The following DNAH14 variants were observed in gnomAD, a reference collection of about 807,000 sequenced individuals.
The protein encoded by DNAH14 is axonemal beta dynein heavy chain 14.
Under a neutral mutation model 520.9 loss-of-function variants are expected in DNAH14, and 478 were observed. That is an observed-to-expected ratio of 0.92 (90% CI 0.85 to 0.99). DNAH14 has a LOEUF of 0.99. Ranked by LOEUF, DNAH14 falls within the 50% of genes least tolerant of loss-of-function variation. The pLI is 0.00. For synonymous variants in DNAH14, 1,581 were observed against 1,757.2 expected (o/e 0.90, Z 2.51); for missense variants, 4,831 against 5,234.5 (o/e 0.92, Z 2.38).
At chr1:225,079,763 T>TC (rs1434682467) in intron 18 of DNAH14, among the ~76,000 whole-genome samples, 1 of 140,940 alleles carries the variant, frequency 7.1e-6, no homozygotes, top group African/African-American at 2.6e-5. Flanking sequence ...AAGCTCCGCC[T>TC]CCCGGGTTCA....
intron 65 of DNAH14, 42 bp from the exon 66 acceptor site, chr1:225,333,249 T>C: frequency 7.2e-7 from 1 of 1,391,852 alleles, no homozygotes; most frequent in Non-Finnish European, 9.7e-7. Context: ...CTCATGATAA[T>C]ATATTTTATA....
chr1:225,283,533 G>A (rs1232410863), intron 54 of DNAH14, among the ~76,000 whole-genome samples: 1 of 151,646 alleles, frequency 6.6e-6, no homozygotes, highest in Non-Finnish European at 1.5e-5. Context: ...CAAATACATG[G>A]AACCAAAACC....
chr1:225,382,197 C>T (rs948210729), intron 81 of DNAH14, among the ~76,000 whole-genome samples: 1 of 152,058 alleles, frequency 6.6e-6, no homozygotes, highest in African/African-American at 2.4e-5. Flanking sequence ...AAATCAAAAC[C>T]ACAATGAGAT....
At chr1:225,098,110 C>T (rs796173358) in intron 22 of DNAH14, among the ~76,000 whole-genome samples, 5 of 151,892 alleles carry the variant, frequency 3.3e-5, no homozygotes, top group African/African-American at 7.2e-5. Context: ...GGTGAGAGGA[C>T]GGCTTGGATC....
At chr1:224,967,368 TATTA>T in intron 5 of DNAH14, 59 bp from the exon 6 acceptor site, 1 of 1,223,388 alleles carries the variant, frequency 8.2e-7, no homozygotes, top group Non-Finnish European at 1.1e-6. Flanking sequence ...TCACCCATTG[TATTA>T]ATTTAGTTAA....
chr1:225,138,982 T>G (rs1306227470), intron 27 of DNAH14, among the ~76,000 whole-genome samples: 1 of 152,228 alleles, frequency 6.6e-6, no homozygotes, highest in African/African-American at 2.4e-5. Flanking sequence ...TCAAGTATTT[T>G]TAAAGCATAC....
In DNAH14 at chr1:225,351,686, T is replaced by A. The variant is rs558171104; in HGVS notation, c.11336T>A (p.Leu3779Gln). The A allele has an allele frequency of 6.5e-7, 1 of 1,550,268 alleles. No individual in the cohort carries two copies. The highest frequency in any genetic ancestry group is 2.4e-5 in the East Asian group (1 of 40,874). ...EIGESQHLQW[L>Q]SDSRWRQCQY... The stretch of plus-strand genomic sequence containing the variant: ...GGTGAAAGTCAACATCTTCAGTGGC[T>A]GTCAGATTCCAGGTGGAGGCAGTGC... The change falls in exon 72 of 86, where the codon CTG becomes CAG. Residue 3779 changes from leucine to glutamine, a missense_variant. Transcript: ENST00000682510.
chr1:225,314,262 G>A (rs939781245), intron 60 of DNAH14, among the ~76,000 whole-genome samples: 11 of 151,868 alleles, frequency 7.2e-5, no homozygotes, highest in Non-Finnish European at 1.5e-4. Context: ...GATTGCAATC[G>A]CTGCTTTTTT....
intron 68 of DNAH14, among the ~76,000 whole-genome samples, chr1:225,339,602 G>C (rs904638863): frequency 6.6e-6 from 1 of 152,154 alleles, no homozygotes. Flanking sequence ...AAATGCTAAT[G>C]AAGTTACATT....
chr1:225,201,026 G>T (rs1216990444), intron 38 of DNAH14, among the ~76,000 whole-genome samples: 1 of 151,570 alleles, frequency 6.6e-6, no homozygotes, highest in Non-Finnish European at 1.5e-5. Context: ...CATAATCCCA[G>T]ACTTCTTGGA....
intron 17 of DNAH14, among the ~76,000 whole-genome samples, chr1:225,069,768 G>C (rs1025698459): frequency 2.0e-5 from 3 of 152,136 alleles, no homozygotes; most frequent in Non-Finnish European, 4.4e-5. Context: ...TTTTGGATTA[G>C]TTTCAGCAGG....
chr1:225,328,299 A>G (rs539984282), intron 64 of DNAH14, among the ~76,000 whole-genome samples: 57 of 152,330 alleles, frequency 3.7e-4, no homozygotes, highest in African/African-American at 1.3e-3. Flanking sequence ...TGTATTTATA[A>G]CACTGTCATT....
At chr1:225,270,131 A>G in intron 49 of DNAH14, among the ~76,000 whole-genome samples, 1 of 152,180 alleles carries the variant, frequency 6.6e-6, no homozygotes, top group Non-Finnish European at 1.5e-5. Context: ...ACCATGGAAT[A>G]CTATGCAGCC....
chr1:225,190,941 T>C (rs1336972811), intron 37 of DNAH14, among the ~76,000 whole-genome samples: 6 of 152,066 alleles, frequency 3.9e-5, no homozygotes, highest in Admixed American at 2.6e-4. Context: ...TTCACTTCAA[T>C]AGCAGACATT....
intron 1 of DNAH14, among the ~76,000 whole-genome samples, chr1:224,930,783 A>G (rs991435820): frequency 1.3e-5 from 2 of 152,156 alleles, no homozygotes; most frequent in South Asian, 2.1e-4. Flanking sequence ...TATTTTTAGT[A>G]GAGACGGGGC....
chr1:225,129,905 T>C (rs2078198873), intron 27 of DNAH14, among the ~76,000 whole-genome samples: 1 of 152,182 alleles, frequency 6.6e-6, no homozygotes, highest in African/African-American at 2.4e-5. Flanking sequence ...GAGAAAATTT[T>C]TGCAACCTAC....
intron 53 of DNAH14, 68 bp from the exon 54 acceptor site, chr1:225,277,342 A>G (rs2093510899): frequency 2.3e-6 from 1 of 426,728 alleles, no homozygotes. Flanking sequence ...AATTGTATGT[A>G]AAACCACAAT....
chr1:225,389,764 GTCTATTCCA>G lies in DNAH14; in HGVS notation c.13224_13232del (p.Ile4409_Ser4411del). 6.4e-7 allele frequency: 1 copy of G among 1,552,252 alleles called. No homozygotes were observed. Among genetic ancestry groups the G allele is most frequent in the South Asian group, 1.2e-5 (1 of 84,064 alleles). ...TGAGATTTGTCACAGTTTGGAAGCA[GTCTATTCCA>G]TCAACTAGCCAAAAATGCAAACACC... On this transcript the variant is annotated inframe_deletion, in exon 83 of 86. Coordinates refer to ENST00000682510, the MANE Select transcript of DNAH14 (RefSeq NM_001367479.1).
chr1:224,983,466 T>G (rs931101524), intron 8 of DNAH14, among the ~76,000 whole-genome samples: 2 of 152,070 alleles, frequency 1.3e-5, no homozygotes, highest in Admixed American at 6.6e-5. Flanking sequence ...GGGAAAAAGT[T>G]GAAAGCACTG....
Sources: allele counts gnomAD v4.1 joint callset (sites outside exome capture counted in the v4.1 genomes callset), GRCh38; gene constraint gnomAD v4.1.1; transcripts MANE v1.5; gene names NCBI Gene and HGNC (gene_info 2026-07-23, HGNC 2026-07-21).